Variants in SMAD5 observed in about 807,000 individuals in gnomAD.
The protein encoded by SMAD5 is SMAD family member 5.
A neutral mutation model predicts 43.1 loss-of-function variants in SMAD5; 9 were observed. The observed-to-expected ratio is 0.21, with a 90% CI of 0.13 to 0.36. SMAD5 has a LOEUF of 0.36. Ranked by LOEUF, SMAD5 falls within the 10% of genes least tolerant of loss-of-function variation. The pLI is 1.00. For synonymous variants in SMAD5, 190 were observed against 192.4 expected, an observed-to-expected ratio of 0.99 and a Z score of 0.10; for missense variants, 348 against 574.0, an observed-to-expected ratio of 0.61 and a Z score of 4.02.
Position 136,177,500 on chromosome 5 carries a change from A to G in SMAD5, c.*20A>G, listed in dbSNP as rs545372018. ...TCATAATGCAGAAGTATTCTTTTCA[A>G]TTATATTGTTAGTGGACTTGTTTTA... On this transcript the variant is annotated 3_prime_UTR_variant, in exon 8 of 8. Transcript: ENST00000545279. The G allele has an allele frequency of 3.8e-6, 6 of 1,578,808 alleles. No homozygotes were observed. In the African/African-American group the frequency reaches 5.4e-5, roughly 14 times the overall value.
chr5:136,167,634 C>T (rs755045034), intron 5 of SMAD5, among the ~76,000 whole-genome samples: 11 of 151,932 alleles, frequency 7.2e-5, no homozygotes, highest in Admixed American at 2.0e-4. Flanking sequence ...AAAAATTAGC[C>T]GGGCTTGCTG....
At chr5:136,164,303 A>G (rs953544401) in intron 5 of SMAD5, among the ~76,000 whole-genome samples, 2 of 152,212 alleles carry the variant, frequency 1.3e-5, no homozygotes, top group African/African-American at 4.8e-5. Flanking sequence ...AAGTTTAACT[A>G]CTTAAGAAAA....
At chr5:136,145,039 G>A (rs867428344) in intron 1 of SMAD5, among the ~76,000 whole-genome samples, 1 of 151,786 alleles carries the variant, frequency 6.6e-6, no homozygotes, top group African/African-American at 2.4e-5. Flanking sequence ...AGATACTGGG[G>A]GCAAGTGATG....
At chr5:136,155,822 C>T (rs1277201294) in intron 3 of SMAD5, among the ~76,000 whole-genome samples, 1 of 152,190 alleles carries the variant, frequency 6.6e-6, no homozygotes, top group Admixed American at 6.6e-5. Context: ...ATTCATTACT[C>T]TATCCTTAGT....
intron 5 of SMAD5, among the ~76,000 whole-genome samples, chr5:136,165,614 T>G (rs1753972420): frequency 6.7e-6 from 1 of 148,690 alleles, no homozygotes; most frequent in Admixed American, 6.7e-5. Context: ...CTTTCTAATC[T>G]CTATGATTTT....
chr5:136,149,378 G>T (rs182969969), intron 2 of SMAD5, among the ~76,000 whole-genome samples: 1 of 151,644 alleles, frequency 6.6e-6, no homozygotes, highest in Non-Finnish European at 1.5e-5. Flanking sequence ...TATGTTTAGC[G>T]TTAGTGGATA....
intron 1 of SMAD5, chr5:136,134,144 A>T (rs1036111437): frequency 2.0e-5 from 3 of 152,186 alleles, no homozygotes; most frequent in African/African-American, 7.3e-5. Context: ...TTTCTGTGGA[A>T]AAGTTTTGAT....
At chr5:136,140,682 C>T (rs965261768) in intron 1 of SMAD5, among the ~76,000 whole-genome samples, 1 of 151,906 alleles carries the variant, frequency 6.6e-6, no homozygotes, top group Non-Finnish European at 1.5e-5. Context: ...TAAAATTACA[C>T]CTCTCTTCCA....
At chr5:136,144,465 A>T (rs1044505928) in intron 1 of SMAD5, among the ~76,000 whole-genome samples, 1 of 151,960 alleles carries the variant, frequency 6.6e-6, no homozygotes, top group Non-Finnish European at 1.5e-5. Context: ...ATTTATAAAC[A>T]ACTGTTTTAC....
At chr5:136,135,020 AAT>A (rs1752826875) in intron 1 of SMAD5, 1 of 152,214 alleles carries the variant, frequency 6.6e-6, no homozygotes, top group South Asian at 2.1e-4. Flanking sequence ...AAAAGAATAA[AAT>A]ATTTTCGTAG....
chr5:136,163,951 C>T (rs887975148), intron 5 of SMAD5, among the ~76,000 whole-genome samples: 3 of 152,268 alleles, frequency 2.0e-5, no homozygotes, highest in Middle Eastern at 3.4e-3. Context: ...GAGGCCAAGG[C>T]GGGTGGATCC....
At chr5:136,155,407 ACAT>A (rs1445408029) in intron 3 of SMAD5, among the ~76,000 whole-genome samples, 2 of 152,186 alleles carry the variant, frequency 1.3e-5, no homozygotes, top group Non-Finnish European at 2.9e-5. Flanking sequence ...TTAGTACAGT[ACAT>A]CATCATCATC....
chr5:136,146,535 TG>T lies in SMAD5; in HGVS notation c.-244-1295del, dbSNP rs1469415738. Among the ~76,000 whole-genome samples, 36 of 151,922 alleles carry T rather than the reference TG, an allele frequency of 2.4e-4. 1 individual carries two copies. In the South Asian group the frequency reaches 6.6e-3, roughly 28 times the overall value. On this transcript the variant is annotated intron_variant, in intron 1 of 7. Coordinates refer to ENST00000545279, the MANE Select transcript of SMAD5 (RefSeq NM_005903.7). Reference sequence around the variant, plus strand: ...TTCAGAGGTATTGCAGGTTCACTTGTGGCTCATGCAAATCAGAACGTATTTT... The same window carrying T: ...TTCAGAGGTATTGCAGGTTCACTTGTGCTCATGCAAATCAGAACGTATTTT...
intron 2 of SMAD5, among the ~76,000 whole-genome samples, chr5:136,149,803 A>C (rs1753390894): frequency 6.6e-6 from 1 of 151,826 alleles, no homozygotes; most frequent in Non-Finnish European, 1.5e-5. Context: ...CAAAAGTGCT[A>C]AGTTTTTTAG....
chr5:136,163,437 T>G (rs750369466), intron 5 of SMAD5, 46 bp downstream of exon 5: 4 of 1,475,462 alleles, frequency 2.7e-6, no homozygotes, highest in Non-Finnish European at 3.6e-6. Flanking sequence ...GTAGTTGTTT[T>G]TAACTTATTG....
At chr5:136,146,987 G>C (rs1422649076) in intron 1 of SMAD5, among the ~76,000 whole-genome samples, 1 of 151,410 alleles carries the variant, frequency 6.6e-6, no homozygotes, top group African/African-American at 2.4e-5. Flanking sequence ...GGCAGTTGTG[G>C]GCAAGACTAT....
chr5:136,141,254 C>A lies in SMAD5; in HGVS notation c.-244-6578C>A, dbSNP rs186204611. 3.9e-5 allele frequency among the ~76,000 whole-genome samples: 6 copies of A among 152,218 alleles called. No homozygotes were observed. In the East Asian group the frequency reaches 9.7e-4, roughly 24 times the overall value. On this transcript the variant is annotated intron_variant, in intron 1 of 7. Coordinates refer to ENST00000545279, the MANE Select transcript of SMAD5 (RefSeq NM_005903.7). ...AATGCTTTTGAAGAATGAGTTCTTA[C>A]TAATATTTATTGGGAGCAGGAATAA...
chr5:136,167,181 T>C (rs1002535209), intron 5 of SMAD5, among the ~76,000 whole-genome samples: 29 of 149,530 alleles, frequency 1.9e-4, no homozygotes, highest in African/African-American at 7.0e-4. Context: ...TTTTTTTTTT[T>C]CTATAACCTT....
chr5:136,138,407 G>A (rs540503500), intron 1 of SMAD5, among the ~76,000 whole-genome samples: 24 of 152,278 alleles, frequency 1.6e-4, no homozygotes, highest in Non-Finnish European at 2.8e-4. Flanking sequence ...TAATTTTGGC[G>A]CCCATGTAAT....
Sources: allele counts gnomAD v4.1 joint callset (sites outside exome capture counted in the v4.1 genomes callset), GRCh38; gene constraint gnomAD v4.1.1; transcripts MANE v1.5; gene names NCBI Gene and HGNC (gene_info 2026-07-23, HGNC 2026-07-21).